CLEC4A: variants seen among roughly 807,000 people sequenced by gnomAD.
CLEC4A encodes C-type (calcium dependent, carbohydrate-recognition domain) lectin, superfamily member 6.
CLEC4A carries 27 observed loss-of-function variants against 32.7 expected under a neutral mutation model. The observed-to-expected ratio is 0.83, with a 90% CI of 0.61 to 1.14. CLEC4A has a LOEUF of 1.14. Ranked by LOEUF, CLEC4A falls within the 50% of genes most tolerant of loss-of-function variation. The probability of loss-of-function intolerance (pLI) is 0.00; values close to 1 mark genes in which losing one functional copy is unlikely to be tolerated. For missense variants in CLEC4A, 253 were observed against 274.6 expected (o/e 0.92, Z 0.55); for synonymous variants, 89 against 93.7 (o/e 0.95, Z 0.29).
chr12:8,125,551 T>G lies in CLEC4A; in HGVS notation c.83-10T>G, dbSNP rs1363361787. 1 of 1,540,624 alleles carries G rather than the reference T, an allele frequency of 6.5e-7. No homozygotes were observed. The highest frequency in any genetic ancestry group is 2.2e-5 in the East Asian group (1 of 44,532). Reference sequence around the variant, plus strand: ...TATTACTGATAAAACTAATTTGGCTTCTTCTTCAGCTTCCAAGGAGAGGAC... The same window carrying G: ...TATTACTGATAAAACTAATTTGGCTGCTTCTTCAGCTTCCAAGGAGAGGAC... On this transcript the variant is annotated splice_polypyrimidine_tract_variant and intron_variant, in intron 1 of 5. Coordinates refer to ENST00000229332, the MANE Select transcript of CLEC4A (RefSeq NM_016184.4).
At chr12:8,133,232 G>T (rs2120612402) in intron 3 of CLEC4A, among the ~76,000 whole-genome samples, 1 of 151,962 alleles carries the variant, frequency 6.6e-6, no homozygotes, top group South Asian at 2.1e-4. Flanking sequence ...GGTATTTTTA[G>T]TAGAGACAGG....
At chr12:8,113,462 C>G in the CLEC4A span, among the ~76,000 whole-genome samples, 1 of 152,122 alleles carries the variant, frequency 6.6e-6, no homozygotes, top group South Asian at 2.1e-4. Context: ...TTGAGTTGTA[C>G]AGTCTTTAAA....
rs1948163333 is a variant in CLEC4A, at chr12:8,138,319, T to G, written c.*32T>G. Reference sequence around the variant, plus strand: ...CATTCTCCATGAACAGGTGGTTGGATTGGTATCTGTCATTGTAGGGATAGA... The same window carrying G: ...CATTCTCCATGAACAGGTGGTTGGAGTGGTATCTGTCATTGTAGGGATAGA... On this transcript the variant is annotated 3_prime_UTR_variant, in exon 6 of 6. Coordinates refer to ENST00000229332, the MANE Select transcript of CLEC4A (RefSeq NM_016184.4). The G allele has an allele frequency of 1.2e-6, 2 of 1,612,918 alleles. No individual in the cohort carries two copies. Among genetic ancestry groups the G allele is most frequent in the Non-Finnish European group, 1.7e-6 (2 of 1,179,234 alleles).
At chr12:8,130,351 T>G (rs1007213295) in intron 3 of CLEC4A, among the ~76,000 whole-genome samples, 2 of 152,050 alleles carry the variant, frequency 1.3e-5, no homozygotes, top group Non-Finnish European at 2.9e-5. Context: ...ATTTAAATTA[T>G]TTAAATTAAT....
At chr12:8,134,176 G>C in intron 3 of CLEC4A, 2 of 1,609,572 alleles carry the variant, frequency 1.2e-6, no homozygotes, top group Middle Eastern at 1.7e-4. Flanking sequence ...GGGCCTGCAC[G>C]AGGGTTTCTG....
the CLEC4A span, among the ~76,000 whole-genome samples, chr12:8,102,937 C>G: frequency 6.6e-6 from 1 of 152,126 alleles, no homozygotes; most frequent in African/African-American, 2.4e-5. Context: ...TGAACTGCGT[C>G]TTTTCTTATC....
At chr12:8,110,804 T>C in the CLEC4A span, among the ~76,000 whole-genome samples, 1 of 152,206 alleles carries the variant, frequency 6.6e-6, no homozygotes, top group Non-Finnish European at 1.5e-5. Context: ...CCCCCTTGCT[T>C]GCCCTTTTCT....
chr12:8,133,916 G>A, intron 3 of CLEC4A: 3 of 1,602,566 alleles, frequency 1.9e-6, no homozygotes, highest in Non-Finnish European at 2.6e-6. Flanking sequence ...TGGGGCCAGA[G>A]GAAAGGACAC....
intron 3 of CLEC4A, chr12:8,134,128 T>A: frequency 6.2e-7 from 1 of 1,602,006 alleles, no homozygotes; most frequent in Admixed American, 1.7e-5. Flanking sequence ...CCAGGTTGCC[T>A]CTCACTTGGT....
At chr12:8,117,339 A>G in the CLEC4A span, among the ~76,000 whole-genome samples, 3 of 152,048 alleles carry the variant, frequency 2.0e-5, no homozygotes, top group Admixed American at 1.3e-4. Context: ...CCTGGGTTCA[A>G]GTGATTCTCC....
At chr12:8,126,781 G>T (rs1481467807) in intron 2 of CLEC4A, among the ~76,000 whole-genome samples, 1 of 152,184 alleles carries the variant, frequency 6.6e-6, no homozygotes, top group Non-Finnish European at 1.5e-5. Flanking sequence ...TCCGGAGGAG[G>T]TGACATCTAG....
At chr12:8,134,604 C>T (rs1948060207) in intron 3 of CLEC4A, 1 of 1,612,424 alleles carries the variant, frequency 6.2e-7, no homozygotes, top group East Asian at 2.2e-5. Flanking sequence ...GGGCACTAGC[C>T]CCACTCCAGT....
intron 2 of CLEC4A, among the ~76,000 whole-genome samples, chr12:8,126,828 G>C (rs1002625221): frequency 6.6e-6 from 1 of 152,094 alleles, no homozygotes; most frequent in African/African-American, 2.4e-5. Context: ...AGATATGAGA[G>C]AGCATGGAAT....
the CLEC4A span, among the ~76,000 whole-genome samples, chr12:8,104,017 A>G: frequency 6.6e-6 from 1 of 152,210 alleles, no homozygotes; most frequent in African/African-American, 2.4e-5. Flanking sequence ...CTCATGAAGT[A>G]CTTGTGGAAT....
intron 2 of CLEC4A, among the ~76,000 whole-genome samples, chr12:8,128,841 G>A (rs1056351370): frequency 3.3e-5 from 5 of 152,148 alleles, no homozygotes; most frequent in Admixed American, 2.0e-4. Flanking sequence ...CTTGATCCAT[G>A]TGGGGTTCTT....
At chr12:8,112,582 CT>C in the CLEC4A span, among the ~76,000 whole-genome samples, 5 of 150,620 alleles carry the variant, frequency 3.3e-5, no homozygotes, top group Non-Finnish European at 5.9e-5. Flanking sequence ...TATTTACTAT[CT>C]TTTTTTTTCA....
the CLEC4A span, among the ~76,000 whole-genome samples, chr12:8,114,560 A>T: frequency 6.6e-6 from 1 of 152,140 alleles, no homozygotes; most frequent in Non-Finnish European, 1.5e-5. Flanking sequence ...TTTATTTCTG[A>T]TGGAACAAAA....
the CLEC4A span, among the ~76,000 whole-genome samples, chr12:8,104,448 C>T: frequency 1.3e-5 from 2 of 152,178 alleles, no homozygotes; most frequent in Admixed American, 6.5e-5. Flanking sequence ...TCTGTGCATA[C>T]GAAAGCCTAC....
At chr12:8,136,039 A>C (rs1345899559) in intron 4 of CLEC4A, among the ~76,000 whole-genome samples, 1 of 152,214 alleles carries the variant, frequency 6.6e-6, no homozygotes, top group African/African-American at 2.4e-5. Context: ...TACATGATTA[A>C]CTACTTAACA....
Sources: gnomAD v4.1 joint callset for allele counts (sites outside exome capture counted in the v4.1 genomes callset) on GRCh38, gnomAD v4.1.1 for gene constraint, MANE v1.5 for transcripts, NCBI Gene and HGNC (gene_info 2026-07-23, HGNC 2026-07-21) for gene names.